Variants in MORF4L1 observed in about 807,000 individuals in gnomAD.
MORF4L1 encodes mortality factor 4 like 1.
Under a neutral mutation model 52.9 loss-of-function variants are expected in MORF4L1, and 4 were observed. The ratio of observed to expected loss-of-function variants is 0.08; its 90% CI spans 0.04 to 0.17. MORF4L1 has a LOEUF of 0.17. Among genes scored for constraint, MORF4L1 ranks in the 10% least tolerant of loss-of-function variants. The pLI, the probability that MORF4L1 is intolerant of heterozygous loss-of-function variation, is 1.00. For missense variants in MORF4L1, 214 were observed against 390.4 expected (o/e 0.55, Z 3.81); for synonymous variants, 123 against 134.8 (o/e 0.91, Z 0.61).
At position 78,872,976 on chromosome 15, in the gene MORF4L1, CG is replaced by C; in HGVS notation, c.-37del. On this transcript the variant is annotated 5_prime_UTR_variant, in exon 1 of 12. Coordinates refer to ENST00000426013, the MANE Select transcript of MORF4L1 (RefSeq NM_006791.4). ...GGGGTAGAGAGTAGGGGGCGGTAGT[CG>C]GGGGTGGTGGGAGAAGGAGGAGGCG... is the stretch of plus-strand genomic sequence containing the variant. 7.0e-7 allele frequency: 1 copy of C among 1,432,800 alleles called. No individual in the cohort carries two copies. Among genetic ancestry groups the C allele is most frequent in the Non-Finnish European group, 9.4e-7 (1 of 1,069,380 alleles). The allele number at this position is 1,432,800 out of a possible 1,614,324, so 88.8% of individuals were successfully genotyped here. A position where few individuals can be genotyped will look rare whatever the true frequency, so the allele number is the denominator to read the frequency against.
chr15:78,880,158 A>G (rs2056574935), intron 2 of MORF4L1, among the ~76,000 whole-genome samples: 1 of 152,218 alleles, frequency 6.6e-6, no homozygotes, highest in Non-Finnish European at 1.5e-5. Flanking sequence ...TTTTTTTATA[A>G]TATAGTTTAA....
intron 11 of MORF4L1, among the ~76,000 whole-genome samples, chr15:78,895,263 T>TA (rs759293994): frequency 1.1e-4 from 16 of 152,120 alleles, no homozygotes; most frequent in Non-Finnish European, 1.5e-4. Context: ...TTCATAGTTC[T>TA]ATAGTGTTCC....
chr15:78,875,261 A>G (rs8029659), intron 1 of MORF4L1, among the ~76,000 whole-genome samples: 39,315 of 152,064 alleles, frequency 0.26, 5,371 homozygotes, highest in South Asian at 0.28. Flanking sequence ...TTCTGGAAGA[A>G]GCGCTTTAGT....
intron 1 of MORF4L1, chr15:78,876,735 TC>T (rs749166429): frequency 2.9e-6 from 1 of 340,850 alleles, no homozygotes; most frequent in Non-Finnish European, 5.9e-6. Flanking sequence ...TCTTTGATCT[TC>T]CCGTTTTCCA....
At chr15:78,878,002 T>G (rs1158578526) in intron 1 of MORF4L1, 2 of 455,134 alleles carry the variant, frequency 4.4e-6, no homozygotes, top group Non-Finnish European at 7.7e-6. Flanking sequence ...GACCTGCTAA[T>G]GAATTGTTTT....
chr15:78,890,322 A>G (rs1398281503), intron 5 of MORF4L1, among the ~76,000 whole-genome samples: 2 of 143,814 alleles, frequency 1.4e-5, no homozygotes, highest in Non-Finnish European at 2.9e-5. Flanking sequence ...AAAAAATTAC[A>G]CAAATCTAAA....
intron 1 of MORF4L1, among the ~76,000 whole-genome samples, chr15:78,874,172 C>G (rs1285245764): frequency 1.3e-5 from 2 of 152,176 alleles, no homozygotes; most frequent in Non-Finnish European, 2.9e-5. Context: ...AAAGGAGGAA[C>G]ACTTTAACAT....
At chr15:78,892,036 C>G (rs1295992465) in intron 7 of MORF4L1, among the ~76,000 whole-genome samples, 176 bp from the exon 8 acceptor site, 1 of 152,156 alleles carries the variant, frequency 6.6e-6, no homozygotes, top group Non-Finnish European at 1.5e-5. Context: ...ATTCTTTTCT[C>G]CCAACAGCGA....
intron 1 of MORF4L1, among the ~76,000 whole-genome samples, chr15:78,876,138 A>T (rs951301364): frequency 6.6e-6 from 1 of 151,848 alleles, no homozygotes; most frequent in African/African-American, 2.4e-5. Context: ...GGGTTTCACC[A>T]TGTTGGCCAG....
Position 78,880,590 on chromosome 15 carries a change from G to T in MORF4L1, c.155+11G>T. 1.3e-6 allele frequency: 2 copies of T among 1,559,612 alleles called. No individual in the cohort carries two copies. The highest frequency in any genetic ancestry group is 2.3e-5 in the South Asian group (2 of 85,732). On this transcript the variant is annotated intron_variant, in intron 3 of 11. Coordinates refer to ENST00000426013, the MANE Select transcript of MORF4L1 (RefSeq NM_006791.4). ...TGGTTGGAATAAAAAGTGAGTATTA[G>T]ATCTTACAATTCTATTTGTAATTAA...
intron 1 of MORF4L1, among the ~76,000 whole-genome samples, chr15:78,877,203 C>T (rs1278825754): frequency 6.6e-6 from 1 of 150,738 alleles, no homozygotes; most frequent in Non-Finnish European, 1.5e-5. Flanking sequence ...TCACTGCAAC[C>T]TCCACCTCCC....
rs557498271 is a variant in MORF4L1, at chr15:78,878,279, T to A, written c.87+20T>A. The A allele has an allele frequency of 6.2e-7, 1 of 1,608,704 alleles. No individual in the cohort carries two copies. The highest frequency in any genetic ancestry group is 1.3e-5 in the African/African-American group (1 of 74,758). The stretch of plus-strand genomic sequence containing the variant: ...GCAAAGGTATGAAACTTGTTTTCTT[T>A]TGAGAAGTTGGCCAAAACTACTGGT... On this transcript the variant is annotated intron_variant, in intron 2 of 11. Transcript: ENST00000426013.
At chr15:78,883,490 T>C (rs1211929174) in intron 3 of MORF4L1, among the ~76,000 whole-genome samples, 1 of 152,244 alleles carries the variant, frequency 6.6e-6, no homozygotes, top group South Asian at 2.1e-4. Flanking sequence ...TATTTTCAGA[T>C]TTTATTGTTT....
chr15:78,887,119 T>C (rs2056719819), intron 4 of MORF4L1, 150 bp from the exon 5 acceptor site: 4 of 648,262 alleles, frequency 6.2e-6, no homozygotes, highest in African/African-American at 3.7e-5. Context: ...CTTGAGTGTT[T>C]TGTTTGATTT....
At chr15:78,885,980 C>T (rs1347574883) in intron 3 of MORF4L1, among the ~76,000 whole-genome samples, 161 bp from the exon 4 acceptor site, 1 of 152,190 alleles carries the variant, frequency 6.6e-6, no homozygotes, top group African/African-American at 2.4e-5. Flanking sequence ...TTCCTTTTTA[C>T]AGAACAGACT....
chr15:78,881,188 C>CTTTT (rs777713555), intron 3 of MORF4L1, among the ~76,000 whole-genome samples: 6 of 13,758 alleles, frequency 4.4e-4, no homozygotes, highest in South Asian at 4.1e-3. Flanking sequence ...AAGAGTTAAG[C>CTTTT]CTTTTTTTTT....
chr15:78,892,062 T>G (rs2141482217), intron 7 of MORF4L1, 150 bp from the exon 8 acceptor site: 195 of 497,576 alleles, frequency 3.9e-4, no homozygotes, highest in Middle Eastern at 1.7e-3. Context: ...GTATGGTCGT[T>G]TTTATTAATG....
chr15:78,892,337 T>G (rs2056815057), intron 8 of MORF4L1, 24 bp downstream of exon 8: 1 of 1,544,004 alleles, frequency 6.5e-7, no homozygotes, highest in East Asian at 2.2e-5. Context: ...CTACCCAGAT[T>G]GTTAAGCTAT....
At chr15:78,895,602 G>C (rs985400686) in intron 11 of MORF4L1, among the ~76,000 whole-genome samples, 1 of 152,168 alleles carries the variant, frequency 6.6e-6, no homozygotes, top group African/African-American at 2.4e-5. Context: ...AGATGTCCAT[G>C]TTTTCAATTG....
Sources: allele counts gnomAD v4.1 joint callset (sites outside exome capture counted in the v4.1 genomes callset), GRCh38; gene constraint gnomAD v4.1.1; transcripts MANE v1.5; gene names NCBI Gene and HGNC (gene_info 2026-07-23, HGNC 2026-07-21).